OPHN1: variants seen among roughly 807,000 people sequenced by gnomAD.
The protein encoded by OPHN1 is oligophrenin 1.
Under a neutral mutation model 60.7 loss-of-function variants are expected in OPHN1, and 11 were observed. The ratio of observed to expected loss-of-function variants is 0.18; its 90% CI spans 0.11 to 0.30. The LOEUF is 0.30. Among genes scored for constraint, OPHN1 ranks in the 10% least tolerant of loss-of-function variants. The pLI is 1.00. For synonymous variants in OPHN1, 226 were observed against 222.6 expected (o/e 1.02, Z -0.14); for missense variants, 449 against 611.0 (o/e 0.73, Z 2.80).
intron 2 of OPHN1, among the ~76,000 whole-genome samples, chrX:68,301,316 G>A (rs1048084557): frequency 8.3e-5 from 9 of 108,269 alleles, no homozygotes; most frequent in Non-Finnish European, 1.9e-5. Context: ...TGTGGTGGTG[G>A]GCTTCTGTAG....
Position 68,042,645 on chromosome X carries a change from G to C in OPHN1, c.*4527C>G, listed in dbSNP as rs778517131. On this transcript the variant is annotated 3_prime_UTR_variant, in exon 25 of 25. Coordinates refer to ENST00000355520, the MANE Select transcript of OPHN1 (RefSeq NM_002547.3). ...ATGCTCATCATCACTGGCCATCAGA[G>C]AAATGCAAATCAAAACCACTATGAG... 2 of 100,954 alleles carry C rather than the reference G, an allele frequency of 2.0e-5. No individual in the cohort carries two copies. Among genetic ancestry groups the C allele is most frequent in the African/African-American group, 7.3e-5 (2 of 27,463 alleles). 8.3% of individuals were successfully genotyped at this position (100,954 alleles called of 1,213,427 possible).
At position 68,179,777 on chromosome X, in the gene OPHN1, G is replaced by A. The variant is rs773769890; in HGVS notation, c.1276+13142C>T. On this transcript the variant is annotated intron_variant, in intron 15 of 24. Transcript: ENST00000355520. ...CAGTTTATTGGCTCATGATTTTGGA[G>A]GCTAAGAAATCCAAGAGCATGACAT... Among the ~76,000 whole-genome samples the A allele has an allele frequency of 2.7e-5, 3 of 111,864 alleles. No homozygotes were observed. In the East Asian group the frequency reaches 8.4e-4, roughly 31 times the overall value.
chrX:68,340,437 A>G (rs1488995254), intron 2 of OPHN1, among the ~76,000 whole-genome samples: 3 of 112,214 alleles, frequency 2.7e-5, no homozygotes, highest in Non-Finnish European at 3.8e-5. Flanking sequence ...TTTCAAAAAA[A>G]TGTCACAACA....
chrX:68,093,643 T>C (rs1347872811), intron 19 of OPHN1, among the ~76,000 whole-genome samples: 1 of 111,444 alleles, frequency 9.0e-6, no homozygotes, highest in Admixed American at 9.6e-5. Flanking sequence ...TAGAGATCTC[T>C]CATCATGGTC....
At chrX:68,340,483 G>A (rs1569285561) in intron 2 of OPHN1, among the ~76,000 whole-genome samples, 1 of 111,736 alleles carries the variant, frequency 8.9e-6, no homozygotes, top group Non-Finnish European at 1.9e-5. Context: ...TTAACAAATG[G>A]TGCTGGCACA....
At chrX:68,216,666 A>G (rs190515713) in intron 6 of OPHN1, among the ~76,000 whole-genome samples, 1 of 111,848 alleles carries the variant, frequency 8.9e-6, no homozygotes, top group Admixed American at 9.5e-5. Flanking sequence ...ATCTTTCTGC[A>G]CAACAAGATA....
chrX:68,280,820 T>C (rs2078016251), intron 4 of OPHN1, among the ~76,000 whole-genome samples: 1 of 111,582 alleles, frequency 9.0e-6, no homozygotes, highest in Admixed American at 9.6e-5. Context: ...AAAAAGATTA[T>C]TTTTAGGCTG....
intron 2 of OPHN1, among the ~76,000 whole-genome samples, chrX:68,380,141 T>G (rs7891501): frequency 0.038 from 4,247 of 111,381 alleles, 207 homozygotes; most frequent in African/African-American, 0.13. Context: ...TTCAACTTCT[T>G]CCTGGTTTAA....
chrX:68,193,419 A>T (rs760331262), intron 14 of OPHN1, among the ~76,000 whole-genome samples: 2 of 111,834 alleles, frequency 1.8e-5, no homozygotes, highest in Non-Finnish European at 3.8e-5. Context: ...ACCAAGAAAG[A>T]CTAAAAAAAC....
chrX:68,125,086 C>T (rs1269605778), intron 15 of OPHN1, among the ~76,000 whole-genome samples: 1 of 111,655 alleles, frequency 9.0e-6, no homozygotes. Flanking sequence ...TAATATCCTC[C>T]TGAATGATCA....
In OPHN1 at chrX:68,077,847, C is replaced by T. The variant is rs775483139; in HGVS notation, c.1687-4548G>A. 2.7e-5 allele frequency among the ~76,000 whole-genome samples: 3 copies of T among 111,898 alleles called. No individual in the cohort carries two copies. In the Admixed American group the frequency reaches 2.8e-4, roughly 11 times the overall value. ...ATAAAAATGAAAACAAGGACACCCT[C>T]TAAAATATTTTTTATTGTTGCTTAA... On this transcript the variant is annotated intron_variant, in intron 19 of 24. Coordinates refer to ENST00000355520, the MANE Select transcript of OPHN1 (RefSeq NM_002547.3).
chrX:68,079,277 T>A (rs943938773), intron 19 of OPHN1, among the ~76,000 whole-genome samples: 5 of 111,067 alleles, frequency 4.5e-5, no homozygotes, highest in Non-Finnish European at 7.5e-5. Context: ...TCCACTGCCA[T>A]CACATTCATT....
At position 68,076,175 on chromosome X, in the gene OPHN1, G is replaced by C. The variant is rs2076952946; in HGVS notation, c.1687-2876C>G. ...AAAGAATAAGCAAAATATTTGAATAGACACTTTACCAAAGAAAACATACAA... is the reference window on the plus strand; with the variant it reads ...AAAGAATAAGCAAAATATTTGAATACACACTTTACCAAAGAAAACATACAA... On this transcript the variant is annotated intron_variant, in intron 19 of 24. Coordinates refer to ENST00000355520, the MANE Select transcript of OPHN1 (RefSeq NM_002547.3). 2.7e-5 allele frequency among the ~76,000 whole-genome samples: 3 copies of C among 110,562 alleles called. No homozygotes were observed. In the South Asian group the frequency reaches 1.1e-3, roughly 41 times the overall value.
intron 15 of OPHN1, among the ~76,000 whole-genome samples, chrX:68,182,336 G>A (rs773124773): frequency 9.3e-6 from 1 of 107,382 alleles, no homozygotes; most frequent in Admixed American, 1.0e-4. Context: ...GGGAATAAAG[G>A]CCTCTCAGGA....
At chrX:68,106,190 C>CT (rs71831333) in intron 18 of OPHN1, among the ~76,000 whole-genome samples, 4,038 of 74,264 alleles carry the variant, frequency 0.054, 103 homozygotes, top group East Asian at 0.086. Context: ...AAAGCTTTTC[C>CT]TTTTTTTTTT....
intron 16 of OPHN1, among the ~76,000 whole-genome samples, chrX:68,115,756 T>C (rs914597370): frequency 9.0e-6 from 1 of 111,528 alleles, no homozygotes; most frequent in African/African-American, 3.3e-5. Context: ...GAAGCTTGGC[T>C]GATGTTGACA....
At chrX:68,211,898 T>A (rs1035757727) in intron 8 of OPHN1, among the ~76,000 whole-genome samples, 1 of 111,566 alleles carries the variant, frequency 9.0e-6, no homozygotes, top group Admixed American at 9.6e-5. Context: ...GAAGGGTGGG[T>A]TTGAACAGCA....
intron 4 of OPHN1, among the ~76,000 whole-genome samples, chrX:68,277,836 C>G (rs1207105659): frequency 9.0e-6 from 1 of 111,689 alleles, no homozygotes; most frequent in East Asian, 2.8e-4. Context: ...AAGAAGTGGC[C>G]AACTGTGAAA....
At position 68,071,248 on chromosome X, in the gene OPHN1, A is replaced by G. The variant is rs2076933033; in HGVS notation, c.1834+1904T>C. On this transcript the variant is annotated intron_variant, in intron 20 of 24. Coordinates refer to ENST00000355520, the MANE Select transcript of OPHN1 (RefSeq NM_002547.3). The stretch of plus-strand genomic sequence containing the variant: ...CTTCTGTGGCAGACTGACTCCTACC[A>G]TGGAGCTGTGGGCTCTGTGAGCAGT... 14 of 671,895 alleles carry G rather than the reference A, an allele frequency of 2.1e-5. No individual in the cohort carries two copies. In the South Asian group the frequency reaches 2.8e-4, roughly 13 times the overall value. 55.4% of individuals were successfully genotyped at this position (671,895 alleles called of 1,213,427 possible). A position where few individuals can be genotyped will look rare whatever the true frequency, so the allele number is the denominator to read the frequency against.
Sources: gnomAD v4.1 joint callset for allele counts (sites outside exome capture counted in the v4.1 genomes callset) on GRCh38, gnomAD v4.1.1 for gene constraint, MANE v1.5 for transcripts, NCBI Gene and HGNC (gene_info 2026-07-23, HGNC 2026-07-21) for gene names.